The following FTO variants were observed in gnomAD, a reference collection of about 807,000 sequenced individuals.
The protein encoded by FTO is FTO alpha-ketoglutarate dependent dioxygenase, also known as alpha-ketoglutarate-dependent dioxygenase FTO.
In FTO, 47 loss-of-function variants were observed where a neutral mutation model predicts 63.9. The ratio of observed to expected loss-of-function variants is 0.74; its 90% confidence interval spans 0.58 to 0.94. The LOEUF (loss-of-function observed/expected upper bound fraction) is 0.94. FTO is among the 40% of genes least tolerant of loss of function. FTO has a pLI of 0.00. For missense variants in FTO, 562 were observed against 618.1 expected (o/e 0.91, Z 0.96); for synonymous variants, 207 against 224.4 (o/e 0.92, Z 0.69).
chr16:53,987,662 C>T (rs546394487), intron 8 of FTO, among the ~76,000 whole-genome samples: 1 of 151,172 alleles, frequency 6.6e-6, no homozygotes, highest in East Asian at 1.9e-4. Context: ...CACAGAAATA[C>T]ACCCATCCTC....
chr16:53,964,651 A>G (rs2083157760), intron 8 of FTO, among the ~76,000 whole-genome samples: 1 of 152,178 alleles, frequency 6.6e-6, no homozygotes, highest in South Asian at 2.1e-4. Context: ...TCCCCAAAAG[A>G]TGTTTGGTAT....
chr16:53,839,771 TTTTTTTTATTTA>T (rs1258136586), intron 3 of FTO, among the ~76,000 whole-genome samples: 1,613 of 49,640 alleles, frequency 0.032, 16 homozygotes, highest in Middle Eastern at 0.11. Context: ...TTGGTTTTCT[TTTTTTTTATTTA>T]TTTATTTATT....
intron 8 of FTO, among the ~76,000 whole-genome samples, chr16:54,036,552 T>A (rs1470248688): frequency 6.6e-6 from 1 of 152,224 alleles, no homozygotes; most frequent in Non-Finnish European, 1.5e-5. Context: ...CTAAAAATGC[T>A]GCAATGCCTT....
chr16:53,896,292 A>G (rs776210606), intron 7 of FTO, among the ~76,000 whole-genome samples: 28 of 151,684 alleles, frequency 1.8e-4, no homozygotes, highest in Non-Finnish European at 1.6e-4. Flanking sequence ...CATAAAACAA[A>G]TTATGTAACT....
intron 6 of FTO, among the ~76,000 whole-genome samples, chr16:53,882,138 C>G (rs1402527933): frequency 6.6e-6 from 1 of 152,124 alleles, no homozygotes; most frequent in Non-Finnish European, 1.5e-5. Context: ...ATTCACCAAT[C>G]TGAGACTTTC....
rs144478418 is a variant in FTO at position 53,957,293 on chromosome 16, T to C, written c.1364+23184T>C. Among the ~76,000 whole-genome samples the C allele has an allele frequency of 2.7e-4, 41 of 152,358 alleles. No individual in the cohort carries two copies. In the East Asian group the frequency reaches 7.7e-3, roughly 29 times the overall value. ...CATTTGGCAATGTGATATTTCAGCATTAGAACTCTCTTTGCAACGCACTTC... is the reference window on the plus strand; with the variant it reads ...CATTTGGCAATGTGATATTTCAGCACTAGAACTCTCTTTGCAACGCACTTC... On this transcript the variant is annotated intron_variant, in intron 8 of 8. Coordinates refer to ENST00000471389, the MANE Select transcript of FTO (RefSeq NM_001080432.3).
intron 2 of FTO, among the ~76,000 whole-genome samples, chr16:53,820,171 G>A (rs941784866): frequency 7.9e-5 from 12 of 151,846 alleles, no homozygotes; most frequent in African/African-American, 2.4e-5. Context: ...ACCACGCCCA[G>A]CTAGTTTTTG....
intron 1 of FTO, among the ~76,000 whole-genome samples, chr16:53,773,010 A>G (rs2077375462): frequency 6.6e-6 from 1 of 152,036 alleles, no homozygotes; most frequent in Admixed American, 6.6e-5. Context: ...ATTTTGAAGG[A>G]ACTTTCTGTC....
intron 1 of FTO, among the ~76,000 whole-genome samples, chr16:53,768,616 C>T (rs1438101146): frequency 2.0e-5 from 3 of 152,090 alleles, no homozygotes; most frequent in African/African-American, 7.2e-5. Flanking sequence ...GGATAGGCAG[C>T]TTTGTAAGTG....
intron 8 of FTO, among the ~76,000 whole-genome samples, chr16:54,003,693 G>A (rs1399588298): frequency 1.3e-5 from 2 of 152,040 alleles, no homozygotes; most frequent in African/African-American, 2.4e-5. Context: ...CTTGTCCTAG[G>A]AAATATCATA....
intron 8 of FTO, chr16:53,937,525 G>A: frequency 2.8e-6 from 1 of 358,112 alleles, no homozygotes; most frequent in Non-Finnish European, 5.0e-6. Context: ...AGGACCGGGT[G>A]TCCCAGGATA....
intron 8 of FTO, among the ~76,000 whole-genome samples, chr16:53,948,184 G>A (rs2082693545): frequency 6.6e-6 from 1 of 152,170 alleles, no homozygotes; most frequent in Non-Finnish European, 1.5e-5. Context: ...TCATTACACT[G>A]CGGCTGTATA....
Position 53,711,720 on chromosome 16 carries a change from A to G in FTO, c.45+7491A>G, listed in dbSNP as rs138099681. Among the ~76,000 whole-genome samples, 298 of 152,350 alleles carry G rather than the reference A, an allele frequency of 2.0e-3. 2 individuals carry two copies. The highest frequency in any genetic ancestry group is 6.8e-3 in the African/African-American group (282 of 41,584). On this transcript the variant is annotated intron_variant, in intron 1 of 8. Coordinates refer to ENST00000471389, the MANE Select transcript of FTO (RefSeq NM_001080432.3). ...GCTGGCTTAGGTTAGATAATCTTTT[A>G]AACTATTAAAAATAGAACTAGTTTA...
intron 8 of FTO, among the ~76,000 whole-genome samples, chr16:54,030,841 G>A (rs2084811731): frequency 6.6e-6 from 1 of 152,172 alleles, no homozygotes; most frequent in African/African-American, 2.4e-5. Context: ...GACAATACAT[G>A]ATTGTCAAAT....
chr16:53,862,590 C>T (rs1211809441), intron 4 of FTO, among the ~76,000 whole-genome samples: 7 of 146,084 alleles, frequency 4.8e-5, no homozygotes, highest in African/African-American at 1.8e-4. Context: ...GGCTGGAGTA[C>T]ATTGGTGTGA....
In FTO at chr16:53,815,636, G is replaced by GTTTTTTTTTTTTTTTTTTT. The variant is rs556357629; in HGVS notation, c.123+5431_123+5449dup. 1.1e-4 allele frequency among the ~76,000 whole-genome samples: 11 copies of GTTTTTTTTTTTTTTTTTTT among 98,182 alleles called. 1 individual carries two copies. Among genetic ancestry groups the GTTTTTTTTTTTTTTTTTTT allele is most frequent in the African/African-American group, 5.9e-4 (11 of 18,526 alleles). 64.4% of individuals were successfully genotyped at this position (98,182 alleles called of 152,430 possible). On this transcript the variant is annotated intron_variant, in intron 2 of 8. Coordinates refer to ENST00000471389, the MANE Select transcript of FTO (RefSeq NM_001080432.3). ...ACCCTATAAGGCCATTGACTTTCTTGTTTTTTTTTTTTTTTTTTTTTTTTT... is the reference window on the plus strand; with the variant it reads ...ACCCTATAAGGCCATTGACTTTCTTGTTTTTTTTTTTTTTTTTTTTTTTTTTTTTTTTTTTTTTTTTTTT...
chr16:53,716,195 T>C (rs1014283689), intron 1 of FTO, among the ~76,000 whole-genome samples: 4 of 152,168 alleles, frequency 2.6e-5, no homozygotes, highest in African/African-American at 9.6e-5. Flanking sequence ...AATCTCTTCC[T>C]TCCTCACTGG....
At chr16:54,016,456 T>C (rs2084452356) in intron 8 of FTO, among the ~76,000 whole-genome samples, 1 of 152,178 alleles carries the variant, frequency 6.6e-6, no homozygotes, top group Admixed American at 6.5e-5. Flanking sequence ...GTCTGAACTT[T>C]GGGGACATTC....
intron 1 of FTO, among the ~76,000 whole-genome samples, chr16:53,805,376 A>C (rs1335143930): frequency 6.6e-6 from 1 of 152,148 alleles, no homozygotes; most frequent in Non-Finnish European, 1.5e-5. Flanking sequence ...TTTCACAGTA[A>C]AGCAGAGGCT....
Sources: gnomAD v4.1 joint callset for allele counts (sites outside exome capture counted in the v4.1 genomes callset) on GRCh38, gnomAD v4.1.1 for gene constraint, MANE v1.5 for transcripts, NCBI Gene and HGNC (gene_info 2026-07-23, HGNC 2026-07-21) for gene names.